Variants in EYA1 observed in about 807,000 individuals in gnomAD.
EYA1 encodes EYA transcriptional coactivator and phosphatase 1.
A neutral mutation model predicts 82.0 loss-of-function variants in EYA1; 16 were observed. The ratio of observed to expected loss-of-function variants is 0.20; its 90% CI spans 0.13 to 0.30. The LOEUF (loss-of-function observed/expected upper bound fraction) is 0.30. EYA1 is among the 10% of genes least tolerant of loss of function. The pLI is 1.00. For synonymous variants in EYA1, 261 were observed against 264.4 expected, an observed-to-expected ratio of 0.99 and a Z score of 0.12; for missense variants, 633 against 730.7, an observed-to-expected ratio of 0.87 and a Z score of 1.54.
At chr8:71,389,102 G>A (rs965958413) in intron 2 of EYA1, among the ~76,000 whole-genome samples, 3 of 151,928 alleles carry the variant, frequency 2.0e-5, no homozygotes, top group Non-Finnish European at 4.4e-5. Flanking sequence ...CAGGCAGAGA[G>A]AGAGGGAGAA....
intron 2 of EYA1, among the ~76,000 whole-genome samples, chr8:71,420,967 T>TA (rs1554582258): frequency 6.6e-6 from 1 of 152,168 alleles, no homozygotes; most frequent in Non-Finnish European, 1.5e-5. Flanking sequence ...CTTGATTTTT[T>TA]AAAAAAGTTA....
chr8:71,403,875 G>A (rs1830082068), intron 2 of EYA1: 1 of 152,244 alleles, frequency 6.6e-6, no homozygotes, highest in Non-Finnish European at 1.5e-5. Flanking sequence ...GTTATTTCAA[G>A]AGGATGGGAA....
intron 11 of EYA1, among the ~76,000 whole-genome samples, chr8:71,245,961 C>T (rs1259307712): frequency 2.6e-5 from 4 of 152,172 alleles, no homozygotes; most frequent in African/African-American, 9.7e-5. Flanking sequence ...TCCCTACAAG[C>T]CACCCTGATG....
intron 2 of EYA1, among the ~76,000 whole-genome samples, chr8:71,494,644 A>G (rs1811277414): frequency 6.6e-6 from 1 of 152,178 alleles, no homozygotes; most frequent in Non-Finnish European, 1.5e-5. Flanking sequence ...AGTGCAAGAA[A>G]AATGCTGCAC....
chr8:71,359,506 C>T (rs1043325067), intron 1 of EYA1, among the ~76,000 whole-genome samples: 3 of 152,142 alleles, frequency 2.0e-5, no homozygotes, highest in African/African-American at 7.2e-5. Flanking sequence ...GACTTTTGCA[C>T]TGTTTATTAT....
intron 1 of EYA1, among the ~76,000 whole-genome samples, chr8:71,536,623 A>C (rs1447572483): frequency 6.6e-6 from 1 of 152,230 alleles, no homozygotes; most frequent in African/African-American, 2.4e-5. Context: ...TTCTTGCTTG[A>C]GCTTGGCAAC....
intron 2 of EYA1, among the ~76,000 whole-genome samples, chr8:71,518,480 G>A (rs113589324): frequency 3.3e-5 from 5 of 152,228 alleles, no homozygotes; most frequent in African/African-American, 1.2e-4. Flanking sequence ...TGTCTGTCAT[G>A]TCTAGGAATA....
At chr8:71,407,360 C>A (rs1465493415) in intron 2 of EYA1, among the ~76,000 whole-genome samples, 2 of 135,932 alleles carry the variant, frequency 1.5e-5, no homozygotes, top group Non-Finnish European at 3.2e-5. Flanking sequence ...AGCAACGGAA[C>A]AAAGCTGGAT....
Position 71,199,415 on chromosome 8 carries a change from C to A in EYA1, c.1704G>T (p.Ala568=). 6.2e-7 allele frequency: 1 copy of A among 1,612,024 alleles called. No individual in the cohort carries two copies. The highest frequency in any genetic ancestry group is 8.5e-7 in the Non-Finnish European group (1 of 1,179,120). ...GGCTGGAGATCCTCCAGAAGGGCAT[C>A]GCGTGCTGCAGCAGAGGCACACATA... is the stretch of plus-strand genomic sequence containing the variant. ...VEEEQGAKKH[A]MPFWRISSHS... is the part of the protein sequence containing the mutation. The change falls in exon 18 of 18, where the codon GCG becomes GCT. Residue 568 remains alanine (A), a synonymous_variant. Transcript: ENST00000340726.
At chr8:71,334,220 T>C (rs1396024847) in intron 3 of EYA1, 46 bp from the exon 4 acceptor site, 1 of 1,322,306 alleles carries the variant, frequency 7.6e-7, no homozygotes, top group Non-Finnish European at 1.1e-6. Context: ...AATAGTTATT[T>C]GTAAAGACAT....
intron 9 of EYA1, among the ~76,000 whole-genome samples, chr8:71,294,223 G>C (rs1028788470): frequency 6.6e-5 from 10 of 152,172 alleles, no homozygotes; most frequent in African/African-American, 2.4e-4. Context: ...ACTTTGGGAG[G>C]CCGAGGCGGG....
rs1806384066 is a variant in EYA1, at chr8:71,197,480, TGAA to T, written c.*1857_*1859del. On this transcript the variant is annotated 3_prime_UTR_variant, in exon 18 of 18. Transcript: ENST00000340726. ...TTTATTAACTTAAACACAAAATTAA[TGAA>T]GAAAAATTCTGTACACAACGGTGGA... The T allele has an allele frequency of 6.6e-6, 1 of 152,504 alleles. No homozygotes were observed. The highest frequency in any genetic ancestry group is 2.1e-4 in the South Asian group (1 of 4,830). 9.4% of individuals were successfully genotyped at this position (152,504 alleles called of 1,614,324 possible).
At chr8:71,355,249 A>G (rs1826746222) in intron 2 of EYA1, among the ~76,000 whole-genome samples, 1 of 152,228 alleles carries the variant, frequency 6.6e-6, no homozygotes, top group Non-Finnish European at 1.5e-5. Flanking sequence ...TTGTCTTTTT[A>G]TATTAAAAAG....
rs182201691 is a variant in EYA1, at chr8:71,375,774, G to A, written c.34-19263C>T. ...CTCCCAAGTACCAGGGGTTACAGAC[G>A]CCTGCCACCATGCCCAGATAATTTT... On this transcript the variant is annotated intron_variant, in intron 2 of 18. Coordinates refer to the EYA1 transcript ENST00000643681. Among the ~76,000 whole-genome samples the A allele has an allele frequency of 2.0e-3, 308 of 152,044 alleles. 2 individuals carry two copies. Among genetic ancestry groups the A allele is most frequent in the Non-Finnish European group, 3.4e-3 (233 of 67,974 alleles).
At chr8:71,442,389 CT>C (rs1267935255) in intron 2 of EYA1, among the ~76,000 whole-genome samples, 3 of 152,112 alleles carry the variant, frequency 2.0e-5, no homozygotes, top group African/African-American at 7.2e-5. Context: ...AATCTTATTT[CT>C]TGTTTGTATA....
In EYA1 at chr8:71,346,440, A is replaced by ATATATATC. The variant is rs1825730885; in HGVS notation, c.124+8341_124+8342insGATATATA. 3.5e-5 allele frequency among the ~76,000 whole-genome samples: 5 copies of ATATATATC among 141,174 alleles called. No homozygotes were observed. The South Asian group carries it at 9.4e-4, about 27-fold the overall frequency. 92.6% of individuals were successfully genotyped at this position (141,174 alleles called of 152,430 possible). A position where few individuals can be genotyped will look rare whatever the true frequency, so the allele number is the denominator to read the frequency against. ...TTTTTTTACTGCAGTGAATATATAT[A>ATATATATC]TATATATATATATATCTATATATAT... On this transcript the variant is annotated intron_variant, in intron 3 of 17. Transcript: ENST00000340726.
chr8:71,298,734 A>G (rs988845445), intron 9 of EYA1, among the ~76,000 whole-genome samples: 3 of 152,222 alleles, frequency 2.0e-5, no homozygotes, highest in African/African-American at 7.2e-5. Flanking sequence ...TGTGGTGCCA[A>G]TGAATTATAG....
chr8:71,207,879 A>G lies in EYA1; in HGVS notation c.1698+3277T>C, dbSNP rs116569517. 3.9e-3 allele frequency among the ~76,000 whole-genome samples: 588 copies of G among 152,160 alleles called. 5 individuals carry two copies. Among genetic ancestry groups the G allele is most frequent in the African/African-American group, 0.014 (563 of 41,534 alleles). On this transcript the variant is annotated intron_variant, in intron 17 of 17. Transcript: ENST00000340726. ...AGGATTTTCCAAATAATTGTAATAG[A>G]ATAGTTTTGTACACCTTATAATTTA... is the stretch of plus-strand genomic sequence containing the variant.
At chr8:71,483,851 A>T (rs1810363468) in intron 2 of EYA1, among the ~76,000 whole-genome samples, 1 of 152,176 alleles carries the variant, frequency 6.6e-6, no homozygotes, top group South Asian at 2.1e-4. Context: ...AGTTTGACTA[A>T]ATAAGAGTAA....
Sources: allele counts gnomAD v4.1 joint callset (sites outside exome capture counted in the v4.1 genomes callset), GRCh38; gene constraint gnomAD v4.1.1; transcripts MANE v1.5; gene names NCBI Gene and HGNC (gene_info 2026-07-23, HGNC 2026-07-21).